The following DYNC1I1 variants were observed in gnomAD, a reference collection of about 807,000 sequenced individuals.
DYNC1I1 encodes dynein cytoplasmic 1 intermediate chain 1.
DYNC1I1 carries 43 observed loss-of-function variants against 86.6 expected under a neutral mutation model. The ratio of observed to expected loss-of-function variants is 0.50; its 90% CI spans 0.39 to 0.64. The LOEUF is 0.64. Among genes scored for constraint, DYNC1I1 ranks in the 30% least tolerant of loss-of-function variants. The pLI is 0.00. For synonymous variants in DYNC1I1, 262 were observed against 283.7 expected (o/e 0.92, Z 0.77); for missense variants, 604 against 788.8 (o/e 0.77, Z 2.81).
intron 14 of DYNC1I1, among the ~76,000 whole-genome samples, chr7:96,074,348 G>C (rs2116236825): frequency 6.6e-6 from 1 of 152,146 alleles, no homozygotes; most frequent in South Asian, 2.1e-4. Flanking sequence ...AGGAGATCGA[G>C]ACCATCCTGG....
intron 2 of DYNC1I1, among the ~76,000 whole-genome samples, chr7:95,807,049 A>G (rs181277600): frequency 6.6e-6 from 1 of 152,274 alleles, no homozygotes; most frequent in East Asian, 1.9e-4. Context: ...ATTCAAGAGG[A>G]TAATAGAAGA....
intron 4 of DYNC1I1, among the ~76,000 whole-genome samples, chr7:95,822,874 T>A (rs1258320570): frequency 6.6e-6 from 1 of 152,152 alleles, no homozygotes; most frequent in Non-Finnish European, 1.5e-5. Flanking sequence ...AGGTTGGTCA[T>A]CCCAGGAATT....
chr7:96,015,415 A>C (rs917106285), intron 10 of DYNC1I1, among the ~76,000 whole-genome samples: 1 of 152,126 alleles, frequency 6.6e-6, no homozygotes, highest in African/African-American at 2.4e-5. Flanking sequence ...TTCAGCCTCT[A>C]TGTAAATGCC....
intron 6 of DYNC1I1, among the ~76,000 whole-genome samples, chr7:95,939,374 T>C (rs545378130): frequency 6.6e-6 from 1 of 152,298 alleles, no homozygotes; most frequent in South Asian, 2.1e-4. Flanking sequence ...GTCTCATTGA[T>C]CTGTCTAATG....
At chr7:95,807,448 C>A (rs931735897) in intron 2 of DYNC1I1, among the ~76,000 whole-genome samples, 1 of 152,082 alleles carries the variant, frequency 6.6e-6, no homozygotes, top group African/African-American at 2.4e-5. Context: ...CTTTCACCAC[C>A]CCCTACCCCA....
At chr7:96,087,003 G>A (rs555210360) in intron 16 of DYNC1I1, among the ~76,000 whole-genome samples, 51 of 152,284 alleles carry the variant, frequency 3.3e-4, no homozygotes, top group South Asian at 6.2e-4. Flanking sequence ...GTAGTTTGAT[G>A]TAGTGGCATG....
intron 6 of DYNC1I1, among the ~76,000 whole-genome samples, chr7:95,878,064 G>A (rs980675128): frequency 6.6e-6 from 1 of 152,128 alleles, no homozygotes; most frequent in Admixed American, 6.6e-5. Flanking sequence ...AAACAAATAA[G>A]CAAGCAAATA....
chr7:96,064,027 G>A (rs1789876898), intron 14 of DYNC1I1, among the ~76,000 whole-genome samples: 1 of 152,168 alleles, frequency 6.6e-6, no homozygotes, highest in African/African-American at 2.4e-5. Flanking sequence ...CTTGGCTGAT[G>A]CTGAATGCAG....
intron 16 of DYNC1I1, among the ~76,000 whole-genome samples, chr7:96,088,537 T>C (rs896531392): frequency 1.3e-5 from 2 of 152,186 alleles, no homozygotes; most frequent in African/African-American, 2.4e-5. Context: ...TTTAGTTCTA[T>C]AATTTCAAAA....
In DYNC1I1 at chr7:95,824,073, C is replaced by G. The variant is rs191869957; in HGVS notation, c.315-3984C>G. ...TGGCATGATCTCAGCTCACTGCAAC[C>G]TCCACTTCCCAGGCTCAAGCTGTCC... On this transcript the variant is annotated intron_variant, in intron 4 of 16. Coordinates refer to ENST00000447467, the MANE Select transcript of DYNC1I1 (RefSeq NM_001135556.2). Among the ~76,000 whole-genome samples the G allele has an allele frequency of 6.0e-3, 890 of 148,186 alleles. 12 individuals carry two copies. The highest frequency in any genetic ancestry group is 0.021 in the African/African-American group (836 of 39,852).
rs1485768200 is a variant in DYNC1I1 at position 96,038,331 on chromosome 7, T to C, written c.1365-946T>C. 2.0e-5 allele frequency among the ~76,000 whole-genome samples: 3 copies of C among 152,216 alleles called. No individual in the cohort carries two copies. The East Asian group carries it at 5.8e-4, about 29-fold the overall frequency. On this transcript the variant is annotated intron_variant, in intron 13 of 16. Coordinates refer to ENST00000447467, the MANE Select transcript of DYNC1I1 (RefSeq NM_001135556.2). Reference sequence around the variant, plus strand: ...TGTCATATTTATAACCTCATGCACATGAATATTTTAAATATAGCATTTTTG... The same window carrying C: ...TGTCATATTTATAACCTCATGCACACGAATATTTTAAATATAGCATTTTTG...
downstream of DYNC1I1, among the ~76,000 whole-genome samples, chr7:96,099,537 G>C (rs1031931046): frequency 1.3e-5 from 2 of 152,152 alleles, no homozygotes; most frequent in African/African-American, 4.8e-5. Context: ...CTGAAAGCTG[G>C]GAAATCCAAG....
At chr7:96,010,875 A>G (rs970748613) in intron 10 of DYNC1I1, among the ~76,000 whole-genome samples, 41 of 152,212 alleles carry the variant, frequency 2.7e-4, no homozygotes, top group Admixed American at 2.6e-3. Flanking sequence ...GCATCATGTA[A>G]TCAAAACATT....
intron 16 of DYNC1I1, among the ~76,000 whole-genome samples, chr7:96,085,640 A>G (rs1445867113): frequency 6.6e-6 from 1 of 152,222 alleles, no homozygotes. Flanking sequence ...TCTGAATCTG[A>G]CAAAAGACAG....
At chr7:95,790,858 GGATAGAGTATTA>G (rs1468550598) in intron 1 of DYNC1I1, among the ~76,000 whole-genome samples, 1 of 152,156 alleles carries the variant, frequency 6.6e-6, no homozygotes. Context: ...TTGGTTGTGA[GGATAGAGTATTA>G]CCTTAGAGGC....
intron 1 of DYNC1I1, among the ~76,000 whole-genome samples, chr7:95,781,580 G>A (rs1473083034): frequency 2.6e-5 from 4 of 152,138 alleles, no homozygotes; most frequent in Admixed American, 1.3e-4. Flanking sequence ...TTGGGCAAAA[G>A]TTCATTTTTG....
intron 10 of DYNC1I1, among the ~76,000 whole-genome samples, chr7:96,027,117 G>C (rs148728590): frequency 2.0e-5 from 3 of 152,172 alleles, no homozygotes; most frequent in Non-Finnish European, 4.4e-5. Context: ...TGGACTGGTA[G>C]CCCATCTGTT....
At chr7:96,066,805 G>A (rs971571206) in intron 14 of DYNC1I1, among the ~76,000 whole-genome samples, 1 of 152,040 alleles carries the variant, frequency 6.6e-6, no homozygotes, top group Non-Finnish European at 1.5e-5. Context: ...CCCCAAATAA[G>A]CAATATTCTT....
chr7:95,779,146 A>C (rs904380836), intron 1 of DYNC1I1, among the ~76,000 whole-genome samples: 1 of 152,180 alleles, frequency 6.6e-6, no homozygotes, highest in Non-Finnish European at 1.5e-5. Context: ...CACAACAAAG[A>C]ATTATCTGAC....
Sources: gnomAD v4.1 joint callset for allele counts (sites outside exome capture counted in the v4.1 genomes callset) on GRCh38, gnomAD v4.1.1 for gene constraint, MANE v1.5 for transcripts, NCBI Gene and HGNC (gene_info 2026-07-23, HGNC 2026-07-21) for gene names.